HAUS4: variants seen among roughly 807,000 people sequenced by gnomAD.
HAUS4 encodes the protein HAUS augmin like complex subunit 4.
Under a neutral mutation model 50.6 loss-of-function variants are expected in HAUS4, and 34 were observed. The observed-to-expected ratio is 0.67, with a 90% CI of 0.51 to 0.90. The LOEUF (loss-of-function observed/expected upper bound fraction) is 0.90, where lower values mean the gene tolerates loss of function less well. Among genes scored for constraint, HAUS4 ranks in the 40% least tolerant of loss-of-function variants. HAUS4 has a pLI of 0.00. For missense variants in HAUS4, 370 were observed against 428.7 expected, an observed-to-expected ratio of 0.86 and a Z score of 1.21; for synonymous variants, 149 against 161.4, an observed-to-expected ratio of 0.92 and a Z score of 0.58.
chr14:22,953,786 ATTTTTTTTTT>A (rs60021495), intron 2 of HAUS4, among the ~76,000 whole-genome samples: 3 of 129,972 alleles, frequency 2.3e-5, no homozygotes, highest in African/African-American at 8.5e-5. Flanking sequence ...ACGCCCAGCT[ATTTTTTTTTT>A]TTTTTTTGTA....
chr14:22,953,824 G>T (rs2044807466), intron 2 of HAUS4, among the ~76,000 whole-genome samples: 1 of 151,124 alleles, frequency 6.6e-6, no homozygotes, highest in African/African-American at 2.4e-5. Flanking sequence ...TAGAGGCGGG[G>T]TTTCACCTTG....
intron 6 of HAUS4, among the ~76,000 whole-genome samples, chr14:22,949,114 G>C (rs1193488393): frequency 6.7e-6 from 1 of 148,206 alleles, no homozygotes; most frequent in Non-Finnish European, 1.5e-5. Flanking sequence ...CTGAGATCAC[G>C]CCATTGCACT....
At chr14:22,947,122 T>C (rs1462818569) in intron 9 of HAUS4, 49 bp downstream of exon 9, 2 of 1,171,374 alleles carry the variant, frequency 1.7e-6, no homozygotes, top group East Asian at 2.3e-5. Flanking sequence ...GTTTAGGGAA[T>C]GTGAGAACCA....
intron 2 of HAUS4, 32 bp from the exon 3 acceptor site, chr14:22,952,715 A>G (rs1006663341): frequency 7.8e-6 from 12 of 1,545,546 alleles, no homozygotes; most frequent in Non-Finnish European, 9.6e-6. Context: ...GTACAAAAAA[A>G]CAAAAAAGGT....
At position 22,948,458 on chromosome 14, in the gene HAUS4, G is replaced by GA. The variant is rs1174310917; in HGVS notation, c.563-446_563-445insT. ...GAGTTTTTAAAAAAAAAAAAGCGGGGGGGGGGAGGGCATCTGGTTCTCATA... is the reference window on the plus strand; with the variant it reads ...GAGTTTTTAAAAAAAAAAAAGCGGGGAGGGGGGAGGGCATCTGGTTCTCATA... On this transcript the variant is annotated intron_variant, in intron 6 of 9. Transcript: ENST00000541587. Among the ~76,000 whole-genome samples the GA allele has an allele frequency of 3.5e-5, 5 of 142,018 alleles. No homozygotes were observed. In the South Asian group the frequency reaches 1.2e-3, roughly 34 times the overall value. 93.2% of individuals were successfully genotyped at this position (142,018 alleles called of 152,430 possible). A position where few individuals can be genotyped will look rare whatever the true frequency, so the allele number is the denominator to read the frequency against.
intron 6 of HAUS4, 62 bp downstream of exon 6, chr14:22,950,252 C>G: frequency 1.2e-6 from 1 of 861,646 alleles, no homozygotes; most frequent in Non-Finnish European, 1.9e-6. Context: ...ATATTATTCT[C>G]AAAAGAGCAG....
chr14:22,952,489 C>G (rs543734306), intron 3 of HAUS4, 30 bp from the exon 4 acceptor site: 2 of 1,613,608 alleles, frequency 1.2e-6, no homozygotes, highest in African/African-American at 2.7e-5. Context: ...CAGGTAGGAA[C>G]CTCTCTCTCA....
In HAUS4 at chr14:22,955,158, A is replaced by AT; in HGVS notation, c.-5dup. 1.9e-6 allele frequency: 3 copies of AT among 1,608,288 alleles called. No individual in the cohort carries two copies. On this transcript the variant is annotated 5_prime_UTR_variant, in exon 2 of 10. Coordinates refer to ENST00000541587, the MANE Select transcript of HAUS4 (RefSeq NM_001166269.2). ...AGCAGAAATCCCCGGATGCCATTTG[A>AT]TTTTCTTGGGATTCTAATCTGTGGA... is the stretch of plus-strand genomic sequence containing the variant.
intron 6 of HAUS4, 167 bp from the exon 7 acceptor site, chr14:22,948,180 G>C (rs2044679341): frequency 2.9e-6 from 2 of 688,808 alleles, no homozygotes; most frequent in Non-Finnish European, 4.6e-6. Context: ...TGAGCATGGT[G>C]GCTTACGCCT....
At position 22,947,987 on chromosome 14, in the gene HAUS4, C is replaced by A; in HGVS notation, c.589G>T (p.Ala197Ser). 4 of 1,612,984 alleles carry A rather than the reference C, an allele frequency of 2.5e-6. No individual in the cohort carries two copies. Among genetic ancestry groups the A allele is most frequent in the Non-Finnish European group, 3.4e-6 (4 of 1,179,540 alleles). ...SDADSETVKAAKVWKLAEVLV... is the reference protein window; with the variant it reads ...SDADSETVKASKVWKLAEVLV... ...ACCTCTGCGAGTTTCCACACCTTTG[C>A]TGCCTTCACGGTTTCACTGTCAGCA... The change falls in exon 7 of 10, where the codon GCA becomes TCA. Residue 197 changes from alanine (A) to serine (S), a missense_variant. Transcript: ENST00000541587.
At chr14:22,954,760 C>G (rs565481937) in intron 2 of HAUS4, 9 of 153,640 alleles carry the variant, frequency 5.9e-5, no homozygotes, top group Non-Finnish European at 1.1e-4. Flanking sequence ...GAGTCTTGCT[C>G]TGTTGCCCAG....
intron 6 of HAUS4, 132 bp downstream of exon 6, chr14:22,950,182 A>C (rs1056693262): frequency 2.2e-6 from 1 of 461,864 alleles, no homozygotes; most frequent in Non-Finnish European, 3.9e-6. Flanking sequence ...TCTACCAGCA[A>C]CAAAACAAAT....
chr14:22,952,856 G>A (rs917230564), intron 2 of HAUS4, among the ~76,000 whole-genome samples, 173 bp from the exon 3 acceptor site: 1 of 151,958 alleles, frequency 6.6e-6, no homozygotes, highest in Non-Finnish European at 1.5e-5. Flanking sequence ...TAATATTCAA[G>A]GTAACAAGCA....
rs2139289117 is a variant in HAUS4, at chr14:22,947,210, G to C, written c.869C>G (p.Thr290Ser). 6.2e-7 allele frequency: 1 copy of C among 1,608,908 alleles called. No individual in the cohort carries two copies. Among genetic ancestry groups the C allele is most frequent in the Non-Finnish European group, 8.5e-7 (1 of 1,175,672 alleles). ...AACTTCCACTTTCTCAACAGTGTAAGTGTCGGACAAAATCTTTAGCTCCTC... is the reference window on the plus strand; with the variant it reads ...AACTTCCACTTTCTCAACAGTGTAACTGTCGGACAAAATCTTTAGCTCCTC... ...RMEELKILSD[T>S]YTVEKVEVHR... Residue 290 changes from threonine to serine, a missense_variant, in exon 9 of 10, where the codon ACT becomes AGT. Physicochemically the swap from Thr to Ser is moderately conservative, Grantham distance 58. Coordinates refer to ENST00000541587, the MANE Select transcript of HAUS4 (RefSeq NM_001166269.2).
chr14:22,955,417 C>T, intron 1 of HAUS4: 1 of 501,750 alleles, frequency 2.0e-6, no homozygotes, highest in Non-Finnish European at 3.6e-6. Flanking sequence ...TTTCCACTTG[C>T]TCCAAGCTGT....
intron 9 of HAUS4, 65 bp from the exon 10 acceptor site, chr14:22,946,773 A>C: frequency 1.7e-6 from 2 of 1,191,086 alleles, no homozygotes; most frequent in Non-Finnish European, 1.2e-6. Context: ...GTGGACAAAA[A>C]TGAAAAACTT....
At chr14:22,954,778 T>C (rs2044827226) in intron 2 of HAUS4, 1 of 203,942 alleles carries the variant, frequency 4.9e-6, no homozygotes, top group African/African-American at 2.4e-5. Context: ...CAGGCTGGAG[T>C]ACAGTGGCAC....
At chr14:22,949,885 T>C (rs2044719300) in intron 6 of HAUS4, among the ~76,000 whole-genome samples, 1 of 152,092 alleles carries the variant, frequency 6.6e-6, no homozygotes, top group Admixed American at 6.5e-5. Context: ...TCCCAGCACT[T>C]TGGGATGCCG....
intron 6 of HAUS4, among the ~76,000 whole-genome samples, 186 bp downstream of exon 6, chr14:22,950,128 C>CAAAAAA (rs200256150): frequency 3.6e-5 from 4 of 112,134 alleles, no homozygotes; most frequent in Non-Finnish European, 5.3e-5. Flanking sequence ...AACGCCATCT[C>CAAAAAA]AAAAAAAAAA....
Sources: allele counts gnomAD v4.1 joint callset (sites outside exome capture counted in the v4.1 genomes callset), GRCh38; gene constraint gnomAD v4.1.1; transcripts MANE v1.5; gene names NCBI Gene and HGNC (gene_info 2026-07-23, HGNC 2026-07-21).